The following MARCHF6 variants were observed in gnomAD, a reference collection of about 807,000 sequenced individuals.
MARCHF6 encodes the protein E3 ubiquitin-protein ligase MARCHF6.
Under a neutral mutation model 133.7 loss-of-function variants are expected in MARCHF6, and 31 were observed. The observed-to-expected ratio is 0.23, with a 90% CI of 0.17 to 0.31. MARCHF6 has a LOEUF of 0.31. Ranked by LOEUF, MARCHF6 falls within the 10% of genes least tolerant of loss-of-function variation. The probability of loss-of-function intolerance (pLI) is 1.00; values close to 1 mark genes in which losing one functional copy is unlikely to be tolerated. For missense variants in MARCHF6, 723 were observed against 1,121.6 expected, an observed-to-expected ratio of 0.64 and a Z score of 5.08; for synonymous variants, 395 against 402.5, an observed-to-expected ratio of 0.98 and a Z score of 0.22.
intron 12 of MARCHF6, 35 bp downstream of exon 12, chr5:10,402,174 ATAT>A (rs1561130993): frequency 1.5e-6 from 2 of 1,303,806 alleles, no homozygotes; most frequent in Admixed American, 3.6e-5. Flanking sequence ...GTGTACACTA[ATAT>A]TATTCATACC....
intron 1 of MARCHF6, among the ~76,000 whole-genome samples, chr5:10,363,503 G>C (rs1579519941): frequency 6.6e-6 from 1 of 152,198 alleles, no homozygotes; most frequent in East Asian, 1.9e-4. Flanking sequence ...GTGTTGGTGA[G>C]CATTGTAGAA....
chr5:10,358,676 T>C (rs902722736), intron 1 of MARCHF6, among the ~76,000 whole-genome samples: 11 of 152,202 alleles, frequency 7.2e-5, no homozygotes, highest in East Asian at 1.9e-4. Flanking sequence ...TCAATAAATA[T>C]ATTGAAAAAA....
chr5:10,429,679 G>A (rs940711341), intron 24 of MARCHF6, among the ~76,000 whole-genome samples: 71 of 152,190 alleles, frequency 4.7e-4, no homozygotes, highest in Non-Finnish European at 5.6e-4. Flanking sequence ...GGGATTACAG[G>A]CGCGAGCTAC....
At chr5:10,377,943 C>T in intron 2 of MARCHF6, 49 bp downstream of exon 2, 1 of 1,064,172 alleles carries the variant, frequency 9.4e-7, no homozygotes, top group Non-Finnish European at 1.5e-6. Context: ...TCAGTTTCGT[C>T]ATGTATACAG....
rs1300759603 is a variant in MARCHF6 at position 10,423,731 on chromosome 5, C to G, written c.2284-4C>G. ...AATATGTTAAATGGTTTTTAATTCC[C>G]TAGGACTGGGCACTTGGAGTCCTGC... On this transcript the variant is annotated splice_polypyrimidine_tract_variant and splice_region_variant and intron_variant, in intron 22 of 25. Coordinates refer to ENST00000274140, the MANE Select transcript of MARCHF6 (RefSeq NM_005885.4). 12 of 1,603,450 alleles carry G rather than the reference C, an allele frequency of 7.5e-6. No homozygotes were observed. In the South Asian group the frequency reaches 1.2e-4, roughly 16 times the overall value.
At chr5:10,394,651 C>T in intron 8 of MARCHF6, 102 bp from the exon 9 acceptor site, 1 of 837,794 alleles carries the variant, frequency 1.2e-6, no homozygotes, top group South Asian at 1.5e-5. Context: ...TGGGTGAGGA[C>T]TGTGTTTAAA....
rs1740549175 is a variant in MARCHF6 at position 10,435,275 on chromosome 5, T to C, written c.*1591T>C. 6.6e-6 allele frequency: 1 copy of C among 152,392 alleles called. No individual in the cohort carries two copies. Among genetic ancestry groups the C allele is most frequent in the Admixed American group, 6.6e-5 (1 of 15,238 alleles). The allele number at this position is 152,392 out of a possible 1,614,324, so 9.4% of individuals were successfully genotyped here. A position where few individuals can be genotyped will look rare whatever the true frequency, so the allele number is the denominator to read the frequency against. On this transcript the variant is annotated 3_prime_UTR_variant, in exon 26 of 26. Coordinates refer to ENST00000274140, the MANE Select transcript of MARCHF6 (RefSeq NM_005885.4). Reference sequence around the variant, plus strand: ...AGTGGTAAGCAATTACTTTAAAACATATTTTTAAAAACATCGGTATCGGGA... The same window carrying C: ...AGTGGTAAGCAATTACTTTAAAACACATTTTTAAAAACATCGGTATCGGGA...
At chr5:10,397,857 C>G (rs971952585) in intron 10 of MARCHF6, among the ~76,000 whole-genome samples, 4 of 152,134 alleles carry the variant, frequency 2.6e-5, no homozygotes, top group African/African-American at 9.7e-5. Flanking sequence ...AGCACTTCTG[C>G]GAGGGCAGCT....
In MARCHF6 at chr5:10,414,700, G is replaced by A. The variant is rs2307120; in HGVS notation, c.1966+198G>A. Among the ~76,000 whole-genome samples, 3 of 152,274 alleles carry A rather than the reference G, an allele frequency of 2.0e-5. No homozygotes were observed. The East Asian group carries it at 5.8e-4, about 29-fold the overall frequency. ...TCTACTTAGGAATTCAAAAAGTATA[G>A]TACCATATTAGGAAGACAATCTGTG... On this transcript the variant is annotated intron_variant, in intron 20 of 25. Transcript: ENST00000274140.
Position 10,414,441 on chromosome 5 carries a change from G to A in MARCHF6, c.1905G>A (p.Leu635=). 6.2e-7 allele frequency: 1 copy of A among 1,610,384 alleles called. No homozygotes were observed. Among genetic ancestry groups the A allele is most frequent in the African/African-American group, 1.3e-5 (1 of 74,990 alleles). The change falls in exon 20 of 26, where the codon CTG becomes CTA. Residue 635 remains leucine, a synonymous_variant. Transcript: ENST00000274140. ...TATGTTTTACTTTGCAGATATTTCTGTTGATTGTCTTCATGTGTATAACAT... is the reference window on the plus strand; with the variant it reads ...TATGTTTTACTTTGCAGATATTTCTATTGATTGTCTTCATGTGTATAACAT... ...RPLNFPLRIF[L]LIVFMCITLL...
intron 10 of MARCHF6, among the ~76,000 whole-genome samples, chr5:10,398,426 T>C (rs1273628276): frequency 2.0e-5 from 3 of 152,236 alleles, no homozygotes. Context: ...GATACTTCCA[T>C]TGATTTCTTA....
intron 7 of MARCHF6, 124 bp downstream of exon 7, chr5:10,391,855 A>G: frequency 9.3e-7 from 1 of 1,075,732 alleles, no homozygotes; most frequent in Non-Finnish European, 1.2e-6. Context: ...ACTTATTTTT[A>G]CTTTATTTTG....
chr5:10,401,150 T>A, intron 11 of MARCHF6: 1 of 261,186 alleles, frequency 3.8e-6, no homozygotes, highest in African/African-American at 2.2e-5. Context: ...CTTCTTTCCC[T>A]TTCCCCAGGT....
At chr5:10,365,125 A>G (rs919034356) in intron 1 of MARCHF6, among the ~76,000 whole-genome samples, 2 of 151,952 alleles carry the variant, frequency 1.3e-5, no homozygotes, top group African/African-American at 4.8e-5. Flanking sequence ...CTGATCTCAC[A>G]GAAGTGCTTC....
intron 23 of MARCHF6, 42 bp downstream of exon 23, chr5:10,423,866 G>A (rs952091949): frequency 1.1e-5 from 16 of 1,460,624 alleles, no homozygotes; most frequent in Non-Finnish European, 1.4e-5. Context: ...TCTGGAATTG[G>A]TTGTGTTTAT....
intron 23 of MARCHF6, among the ~76,000 whole-genome samples, chr5:10,424,991 C>T (rs747019048): frequency 1.3e-5 from 2 of 152,216 alleles, no homozygotes; most frequent in Non-Finnish European, 2.9e-5. Flanking sequence ...CTACTTTACG[C>T]TTTAGCTATA....
intron 20 of MARCHF6, among the ~76,000 whole-genome samples, chr5:10,415,272 T>C (rs1335378394): frequency 6.6e-6 from 1 of 152,222 alleles, no homozygotes; most frequent in Non-Finnish European, 1.5e-5. Flanking sequence ...CCAGTAGAGC[T>C]CGCCTCCATT....
At chr5:10,358,941 A>G (rs1735649340) in intron 1 of MARCHF6, among the ~76,000 whole-genome samples, 1 of 152,250 alleles carries the variant, frequency 6.6e-6, no homozygotes, top group African/African-American at 2.4e-5. Context: ...TTAAAGATAC[A>G]GTATTAAATC....
At chr5:10,399,071 A>G (rs1335059234) in intron 10 of MARCHF6, among the ~76,000 whole-genome samples, 1 of 152,144 alleles carries the variant, frequency 6.6e-6, no homozygotes, top group Non-Finnish European at 1.5e-5. Context: ...ATGCCTTTCC[A>G]TTAGTTTGTG....
Sources: allele counts gnomAD v4.1 joint callset (sites outside exome capture counted in the v4.1 genomes callset), GRCh38; gene constraint gnomAD v4.1.1; transcripts MANE v1.5; gene names NCBI Gene and HGNC (gene_info 2026-07-23, HGNC 2026-07-21).